SORBS2: variants seen among roughly 807,000 people sequenced by gnomAD.
The protein encoded by SORBS2 is sorbin and SH3 domain-containing protein 2.
A neutral mutation model predicts 97.7 loss-of-function variants in SORBS2; 46 were observed. That is an observed-to-expected ratio of 0.47 (90% CI 0.37 to 0.60). SORBS2 has a LOEUF of 0.60. SORBS2 is among the 20% of genes least tolerant of loss of function. The pLI is 0.00. For synonymous variants in SORBS2, 476 were observed against 473.4 expected (o/e 1.01, Z -0.07); for missense variants, 1,316 against 1,282.3 (o/e 1.03, Z -0.40).
intron 1 of SORBS2, among the ~76,000 whole-genome samples, chr4:185,870,217 A>T (rs2099229625): frequency 6.6e-6 from 1 of 152,186 alleles, no homozygotes; most frequent in African/African-American, 2.4e-5. Context: ...ACAGATTGAG[A>T]TCTACTGCAA....
intron 1 of SORBS2, among the ~76,000 whole-genome samples, chr4:185,823,566 G>T (rs116085301): frequency 1.6e-3 from 243 of 152,178 alleles, no homozygotes; most frequent in Non-Finnish European, 2.6e-3. Flanking sequence ...AATAGCAATA[G>T]TAAACTGACT....
intron 1 of SORBS2, among the ~76,000 whole-genome samples, chr4:185,866,987 A>G (rs6846833): frequency 0.4 from 61,241 of 151,666 alleles, 12,736 homozygotes; most frequent in Middle Eastern, 0.47. Flanking sequence ...CTAAAATATT[A>G]AAGGTTTATT....
At chr4:185,879,176 C>CGCCA (rs1491475757) in intron 1 of SORBS2, among the ~76,000 whole-genome samples, 1 of 85,188 alleles carries the variant, frequency 1.2e-5, no homozygotes. Flanking sequence ...CCCCCCCCCC[C>CGCCA]ACCCCACGAC....
At chr4:185,820,534 C>G (rs2099196123) in intron 1 of SORBS2, among the ~76,000 whole-genome samples, 1 of 152,150 alleles carries the variant, frequency 6.6e-6, no homozygotes, top group Admixed American at 6.5e-5. Context: ...GTGCCCAAGT[C>G]CTGCAGTTGG....
chr4:185,756,719 CTTTTT>C (rs56955640), intron 2 of SORBS2, among the ~76,000 whole-genome samples: 4 of 131,580 alleles, frequency 3.0e-5, no homozygotes, highest in Admixed American at 7.9e-5. Context: ...ACTGTTAAAG[CTTTTT>C]TTTTTTTTTT....
At chr4:185,637,808 A>AAT (rs2097047566) in intron 4 of SORBS2, among the ~76,000 whole-genome samples, 1 of 152,134 alleles carries the variant, frequency 6.6e-6, no homozygotes, top group Non-Finnish European at 1.5e-5. Context: ...TGAATATTCC[A>AAT]TCACAGAAAC....
chr4:185,710,807 C>T (rs907680847), intron 2 of SORBS2, among the ~76,000 whole-genome samples: 3 of 152,162 alleles, frequency 2.0e-5, no homozygotes, highest in Admixed American at 2.0e-4. Context: ...GGGCACAGTG[C>T]CCGTGGAGAG....
In SORBS2 at chr4:185,606,878, C is replaced by T; in HGVS notation, c.2796+4902G>A. ...CCCACGCTGGTGCACGCAGAGGCCA[C>T]AAAATTATCCCCTAGGACTTCTGGT... On this transcript the variant is annotated intron_variant, in intron 12 of 14. Transcript: ENST00000418609. The surrounding 1 kb of genome is among the most constrained non-coding windows in gnomAD (Gnocchi z 4.3). 1.0e-6 allele frequency: 1 copy of T among 987,396 alleles called. No homozygotes were observed. The highest frequency in any genetic ancestry group is 1.2e-6 in the Non-Finnish European group (1 of 830,934). The allele number at this position is 987,396 out of a possible 1,614,324, so 61.2% of individuals were successfully genotyped here.
At chr4:185,620,280 G>A in intron 7 of SORBS2, 129 bp from the exon 20 acceptor site, 7 of 674,968 alleles carry the variant, frequency 1.0e-5, no homozygotes, top group East Asian at 5.1e-5. Context: ...CGAACACATG[G>A]GCATAAAACT....
chr4:185,817,358 AT>A (rs1233205799), intron 1 of SORBS2, among the ~76,000 whole-genome samples: 1 of 152,216 alleles, frequency 6.6e-6, no homozygotes, highest in Non-Finnish European at 1.5e-5. Flanking sequence ...TCTGCAAGCA[AT>A]ACAGAAAAGG....
intron 2 of SORBS2, among the ~76,000 whole-genome samples, chr4:185,693,194 A>T (rs981473493): frequency 6.6e-6 from 1 of 152,182 alleles, no homozygotes; most frequent in Non-Finnish European, 1.5e-5. Context: ...GGTGAATTTT[A>T]TCTCCTATTT....
At chr4:185,759,222 C>T (rs2098848835) in intron 2 of SORBS2, among the ~76,000 whole-genome samples, 1 of 152,212 alleles carries the variant, frequency 6.6e-6, no homozygotes, top group Non-Finnish European at 1.5e-5. Flanking sequence ...ATAACAGCTT[C>T]TCGCTTAAAG....
chr4:185,735,298 G>A (rs1168089937), intron 2 of SORBS2, among the ~76,000 whole-genome samples: 1 of 151,946 alleles, frequency 6.6e-6, no homozygotes, highest in Non-Finnish European at 1.5e-5. Flanking sequence ...CTGCAGATAC[G>A]TCAGTGCTCT....
At position 185,845,771 on chromosome 4, in the gene SORBS2, A is replaced by T. The variant is rs151092671; in HGVS notation, c.-337-70405T>A. Among the ~76,000 whole-genome samples the T allele has an allele frequency of 1.9e-3, 288 of 152,364 alleles. 1 individual carries two copies. The highest frequency in any genetic ancestry group is 0.017 in the Admixed American group (254 of 15,304). On this transcript the variant is annotated intron_variant, in intron 1 of 20. Coordinates refer to the SORBS2 transcript ENST00000284776. ...GGCAAAAGTTTTGAACAGGTACTTTAACCAAAGAGGAGATGCAGATCTAAA... is the reference window on the plus strand; with the variant it reads ...GGCAAAAGTTTTGAACAGGTACTTTTACCAAAGAGGAGATGCAGATCTAAA...
chr4:185,716,279 T>A (rs2098464465), intron 2 of SORBS2, among the ~76,000 whole-genome samples: 1 of 152,168 alleles, frequency 6.6e-6, no homozygotes, highest in Admixed American at 6.5e-5. Flanking sequence ...TTCTACCATA[T>A]CCAGATGGAT....
chr4:185,861,042 G>T (rs1426188393), intron 1 of SORBS2, among the ~76,000 whole-genome samples: 2 of 152,222 alleles, frequency 1.3e-5, no homozygotes, highest in East Asian at 3.8e-4. Flanking sequence ...TTCAAAAGAT[G>T]TCAAAGAAAT....
chr4:185,773,906 A>T (rs946106567), intron 2 of SORBS2: 8 of 151,754 alleles, frequency 5.3e-5, no homozygotes, highest in African/African-American at 1.9e-4. Context: ...CTTACACAGC[A>T]GAAGTTTCAC....
intron 4 of SORBS2, among the ~76,000 whole-genome samples, chr4:185,631,793 A>C (rs375963297): frequency 0.026 from 3,586 of 137,708 alleles, 138 homozygotes; most frequent in African/African-American, 0.11. Context: ...CAACAAAAAA[A>C]CAAAACAAAA....
In SORBS2 at chr4:185,699,320, T is replaced by C. The variant is rs191228546; in HGVS notation, c.-197-20498A>G. ...TTTTTTTTTTGAGACAGAGTCTCGC[T>C]CTGTTGGCCAGGGTGGAGTGCAGTG... On this transcript the variant is annotated intron_variant, in intron 2 of 20. Transcript: ENST00000284776. Among the ~76,000 whole-genome samples, 1,227 of 136,368 alleles carry C rather than the reference T, an allele frequency of 9.0e-3. 6 individuals carry two copies. Among genetic ancestry groups the C allele is most frequent in the Admixed American group, 0.013 (157 of 12,016 alleles). 89.5% of individuals were successfully genotyped at this position (136,368 alleles called of 152,430 possible).
Sources: allele counts gnomAD v4.1 joint callset (sites outside exome capture counted in the v4.1 genomes callset), GRCh38; gene constraint gnomAD v4.1.1; non-coding constraint Gnocchi (gnomAD v3.1); transcripts MANE v1.5; gene names NCBI Gene and HGNC (gene_info 2026-07-23, HGNC 2026-07-21).